BANK1: variants seen among roughly 807,000 people sequenced by gnomAD.
BANK1 encodes B cell scaffold protein with ankyrin repeats 1.
In BANK1, 95 loss-of-function variants were observed where a neutral mutation model predicts 94.5. The ratio of observed to expected loss-of-function variants is 1.00; its 90% CI spans 0.85 to 1.19. The LOEUF (loss-of-function observed/expected upper bound fraction) is 1.19. Among genes scored for constraint, BANK1 ranks in the 50% most tolerant of loss-of-function variants. The pLI is 0.00. For synonymous variants in BANK1, 334 were observed against 308.4 expected, an observed-to-expected ratio of 1.08 and a Z score of -0.87; for missense variants, 987 against 932.2, an observed-to-expected ratio of 1.06 and a Z score of -0.77.
intron 7 of BANK1, among the ~76,000 whole-genome samples, chr4:101,994,510 TA>T (rs975962096): frequency 6.6e-6 from 1 of 152,224 alleles, no homozygotes; most frequent in African/African-American, 2.4e-5. Context: ...TCTGTTTTTT[TA>T]AAAAATATAA....
chr4:101,901,701 C>A (rs1184551998), intron 6 of BANK1, among the ~76,000 whole-genome samples: 2 of 151,998 alleles, frequency 1.3e-5, no homozygotes, highest in Non-Finnish European at 2.9e-5. Context: ...TGATAAAAAG[C>A]AAACAAGGCT....
chr4:101,819,787 T>C (rs1726067429), intron 1 of BANK1, among the ~76,000 whole-genome samples: 1 of 152,188 alleles, frequency 6.6e-6, no homozygotes, highest in African/African-American at 2.4e-5. Context: ...TTCTTAATGC[T>C]AGCGAAGGGA....
intron 10 of BANK1, among the ~76,000 whole-genome samples, chr4:102,036,009 T>C (rs1727502284): frequency 6.6e-6 from 1 of 152,224 alleles, no homozygotes; most frequent in African/African-American, 2.4e-5. Flanking sequence ...CGTCCATAAA[T>C]CATGCAAAGA....
At chr4:101,929,928 C>G (rs993366077) in intron 7 of BANK1, among the ~76,000 whole-genome samples, 2 of 151,358 alleles carry the variant, frequency 1.3e-5, no homozygotes, top group Non-Finnish European at 3.0e-5. Flanking sequence ...CTCAATATCA[C>G]GTTATATAAA....
intron 7 of BANK1, among the ~76,000 whole-genome samples, chr4:101,963,055 A>G (rs1724625861): frequency 6.6e-6 from 1 of 152,086 alleles, no homozygotes; most frequent in African/African-American, 2.4e-5. Flanking sequence ...GTGTCCCAAC[A>G]TATATGATGA....
chr4:102,055,625 T>A (rs1728201798), intron 11 of BANK1, among the ~76,000 whole-genome samples: 1 of 152,078 alleles, frequency 6.6e-6, no homozygotes, highest in Admixed American at 6.6e-5. Flanking sequence ...AAAATTATTT[T>A]AACTAGCTGG....
At chr4:101,810,215 G>A (rs556021803) in intron 1 of BANK1, among the ~76,000 whole-genome samples, 1 of 152,322 alleles carries the variant, frequency 6.6e-6, no homozygotes, top group East Asian at 1.9e-4. Flanking sequence ...TAGAAATAAT[G>A]TAGCCCTGCA....
chr4:101,818,874 T>G (rs1161927637), intron 1 of BANK1, among the ~76,000 whole-genome samples: 1 of 69,766 alleles, frequency 1.4e-5, no homozygotes, highest in African/African-American at 6.2e-5. Context: ...ATTACTGTAT[T>G]TTTTTTTTTT....
intron 7 of BANK1, among the ~76,000 whole-genome samples, chr4:101,936,032 GACAA>G (rs1454596093): frequency 1.3e-5 from 2 of 151,228 alleles, no homozygotes; most frequent in African/African-American, 2.4e-5. Context: ...ACCCCGCACA[GACAA>G]ACAAAGCAAA....
chr4:101,869,702 G>T (rs915627935), intron 4 of BANK1, among the ~76,000 whole-genome samples: 1 of 151,832 alleles, frequency 6.6e-6, no homozygotes, highest in Admixed American at 6.6e-5. Context: ...TTTTCTGGGA[G>T]AATTTGGGAA....
intron 5 of BANK1, among the ~76,000 whole-genome samples, chr4:101,893,965 C>T (rs1000701530): frequency 1.3e-5 from 2 of 152,022 alleles, no homozygotes; most frequent in African/African-American, 4.8e-5. Flanking sequence ...CCAGGCCATG[C>T]ATATGATACC....
chr4:101,804,323 G>C (rs1246394791), intron 1 of BANK1, among the ~76,000 whole-genome samples: 3 of 152,188 alleles, frequency 2.0e-5, no homozygotes, highest in Admixed American at 2.0e-4. Context: ...GTGAGATCAA[G>C]TGTTGGGAGT....
At chr4:101,853,026 G>T (rs1001028695) in intron 2 of BANK1, among the ~76,000 whole-genome samples, 1 of 151,940 alleles carries the variant, frequency 6.6e-6, no homozygotes, top group African/African-American at 2.4e-5. Flanking sequence ...TCACTGTTTT[G>T]ATTTGTGTAT....
At chr4:101,824,041 G>A (rs1418107560) in intron 1 of BANK1, among the ~76,000 whole-genome samples, 3 of 152,336 alleles carry the variant, frequency 2.0e-5, no homozygotes, top group Middle Eastern at 3.4e-3. Flanking sequence ...ATAACACAGC[G>A]AGGAGTTACA....
chr4:101,954,338 A>T (rs1724267556), intron 7 of BANK1, among the ~76,000 whole-genome samples: 1 of 152,120 alleles, frequency 6.6e-6, no homozygotes, highest in Non-Finnish European at 1.5e-5. Context: ...AACTCACAAC[A>T]TGTTGGTCAG....
At chr4:101,893,949 C>A (rs1039117612) in intron 5 of BANK1, among the ~76,000 whole-genome samples, 2 of 151,994 alleles carry the variant, frequency 1.3e-5, no homozygotes, top group African/African-American at 4.8e-5. Context: ...TACCTAGAGT[C>A]CTTAACCAGG....
At chr4:101,808,371 A>G (rs766165357) in intron 1 of BANK1, among the ~76,000 whole-genome samples, 3 of 152,196 alleles carry the variant, frequency 2.0e-5, no homozygotes, top group Non-Finnish European at 4.4e-5. Flanking sequence ...TCCAAGGGAT[A>G]GAACAGAGAA....
At chr4:101,895,212 C>T (rs1202846543) in intron 5 of BANK1, 93 bp from the exon 6 acceptor site, 1 of 621,126 alleles carries the variant, frequency 1.6e-6, no homozygotes, top group Non-Finnish European at 2.8e-6. Context: ...CCATTGTTTA[C>T]TCCAGTTAAT....
chr4:101,940,810 G>A (rs1188053297), intron 7 of BANK1, among the ~76,000 whole-genome samples: 1 of 151,738 alleles, frequency 6.6e-6, no homozygotes, highest in Non-Finnish European at 1.5e-5. Context: ...GCTGATGGAT[G>A]TTTCCCTCGA....
Sources: allele counts gnomAD v4.1 joint callset (sites outside exome capture counted in the v4.1 genomes callset), GRCh38; gene constraint gnomAD v4.1.1; transcripts MANE v1.5; gene names NCBI Gene and HGNC (gene_info 2026-07-23, HGNC 2026-07-21).